Variants in CCNJ observed in about 807,000 individuals in gnomAD.
CCNJ encodes the protein cyclin J, also known as cyclin-J.
CCNJ carries 12 observed loss-of-function variants against 41.4 expected under a neutral mutation model. That is an observed-to-expected ratio of 0.29 (90% CI 0.19 to 0.47). The LOEUF is 0.47. Ranked by LOEUF, CCNJ falls within the 20% of genes least tolerant of loss-of-function variation. CCNJ has a pLI of 1.00. For synonymous variants in CCNJ, 161 were observed against 173.4 expected, an observed-to-expected ratio of 0.93 and a Z score of 0.56; for missense variants, 340 against 464.6, an observed-to-expected ratio of 0.73 and a Z score of 2.47.
At chr10:96,052,972 C>T (rs1237009516) in intron 3 of CCNJ, among the ~76,000 whole-genome samples, 1 of 152,188 alleles carries the variant, frequency 6.6e-6, no homozygotes, top group Admixed American at 6.5e-5. Context: ...TCTCTCTACC[C>T]TTGCCCCCCA....
chr10:96,050,082 T>C (rs1158425316), intron 2 of CCNJ, among the ~76,000 whole-genome samples, 174 bp from the exon 3 acceptor site: 3 of 152,198 alleles, frequency 2.0e-5, no homozygotes, highest in Admixed American at 1.3e-4. Flanking sequence ...AAATTTGGTT[T>C]TAAATGTCAT....
At chr10:96,057,347 G>A (rs1356551976) in intron 5 of CCNJ, 100 bp downstream of exon 5, 5 of 1,033,980 alleles carry the variant, frequency 4.8e-6, no homozygotes, top group Non-Finnish European at 7.2e-6. Context: ...GAGTTCCTAG[G>A]TTATTTGCTT....
chr10:96,043,983 C>T (rs2080286917), intron 1 of CCNJ, among the ~76,000 whole-genome samples: 2 of 152,200 alleles, frequency 1.3e-5, no homozygotes, highest in South Asian at 4.1e-4. Context: ...AGCGTGTCAC[C>T]TCTCCCCGCT....
In CCNJ at chr10:96,043,592, C is replaced by T. The variant is rs1590981339; in HGVS notation, c.-169C>T. On this transcript the variant is annotated 5_prime_UTR_variant, in exon 1 of 6. Transcript: ENST00000465148. ...CGCCTGCCGGTCCTTTAACAATGGG[C>T]GGCGCGAGCGTCCAGGCGCTGGGCT... 2.5e-6 allele frequency: 1 copy of T among 395,148 alleles called. No individual in the cohort carries two copies. 24.5% of individuals were successfully genotyped at this position (395,148 alleles called of 1,614,324 possible).
intron 5 of CCNJ, among the ~76,000 whole-genome samples, 156 bp downstream of exon 5, chr10:96,057,403 G>A (rs1202265285): frequency 6.6e-6 from 1 of 152,210 alleles, no homozygotes; most frequent in Non-Finnish European, 1.5e-5. Context: ...TGTATGAGCA[G>A]AACTCTAGGG....
rs535555519 is a variant in CCNJ at position 96,060,036 on chromosome 10, T to G, written c.*1795T>G. 12 of 152,796 alleles carry G rather than the reference T, an allele frequency of 7.9e-5. 1 individual carries two copies. In the South Asian group the frequency reaches 2.3e-3, roughly 29 times the overall value. The allele number at this position is 152,796 out of a possible 1,614,324, so 9.5% of individuals were successfully genotyped here. A position where few individuals can be genotyped will look rare whatever the true frequency, so the allele number is the denominator to read the frequency against. On this transcript the variant is annotated 3_prime_UTR_variant, in exon 6 of 6. Coordinates refer to ENST00000465148, the MANE Select transcript of CCNJ (RefSeq NM_001134375.2). Reference sequence around the variant, plus strand: ...CATGGCAGTTTTTAAGCATGAAAATTGTTTTCTGAAAGTATCATCACTTTT... The same window carrying G: ...CATGGCAGTTTTTAAGCATGAAAATGGTTTTCTGAAAGTATCATCACTTTT...
rs1325566965 is a variant in CCNJ, at chr10:96,043,650, C to T, written c.-111C>T. On this transcript the variant is annotated 5_prime_UTR_variant, in exon 1 of 6. Coordinates refer to ENST00000465148, the MANE Select transcript of CCNJ (RefSeq NM_001134375.2). ...AGGCCGGCGCTTAGCGGCCCACTGT[C>T]CGCAGCATGAGCGGGGCCGGCGTCC... 7.6e-6 allele frequency: 3 copies of T among 394,682 alleles called. No homozygotes were observed. Among genetic ancestry groups the T allele is most frequent in the Non-Finnish European group, 1.3e-5 (3 of 223,516 alleles). The allele number at this position is 394,682 out of a possible 1,614,324, so 24.4% of individuals were successfully genotyped here. A position where few individuals can be genotyped will look rare whatever the true frequency, so the allele number is the denominator to read the frequency against.
intron 2 of CCNJ, among the ~76,000 whole-genome samples, chr10:96,045,817 T>G (rs1355471421): frequency 6.6e-6 from 1 of 152,182 alleles, no homozygotes; most frequent in Admixed American, 6.5e-5. Flanking sequence ...GTGAAATTAA[T>G]TAGTTGATAT....
intron 3 of CCNJ, among the ~76,000 whole-genome samples, chr10:96,053,208 A>G (rs545148677): frequency 9.0e-4 from 137 of 152,268 alleles, no homozygotes; most frequent in Non-Finnish European, 1.6e-3. Flanking sequence ...TTGGAGAGCT[A>G]TGTGTAGTGT....
rs1456608108 is a variant in CCNJ at position 96,056,035 on chromosome 10, C to T, written c.281-666C>T. Among the ~76,000 whole-genome samples, 5 of 152,312 alleles carry T rather than the reference C, an allele frequency of 3.3e-5. No individual in the cohort carries two copies. In the East Asian group the frequency reaches 7.7e-4, roughly 23 times the overall value. On this transcript the variant is annotated intron_variant, in intron 3 of 5. Transcript: ENST00000465148. ...AAACTATCTTCTCCTCTTGGCCGGG[C>T]GCAGTGGCTCACGCCTGTAATCCCA...
In CCNJ at chr10:96,049,475, CTTTTTCTTT is replaced by C. The variant is rs1289262151; in HGVS notation, c.70-775_70-767del. Among the ~76,000 whole-genome samples, 1,004 of 112,598 alleles carry C rather than the reference CTTTTTCTTT, an allele frequency of 8.9e-3. 3 individuals carry two copies. The highest frequency in any genetic ancestry group is 0.033 in the African/African-American group (896 of 27,484). The allele number at this position is 112,598 out of a possible 152,430, so 73.9% of individuals were successfully genotyped here. On this transcript the variant is annotated intron_variant, in intron 2 of 5. Transcript: ENST00000465148. The stretch of plus-strand genomic sequence containing the variant: ...AAAGTCCCATTTCTCTTTTCTTTTT[CTTTTTCTTT>C]TTTTTTTTTTTTTTTGCAGGGTAGG...
At position 96,057,221 on chromosome 10, in the gene CCNJ, A is replaced by T; in HGVS notation, c.714A>T (p.Leu238Phe). 1 of 1,613,980 alleles carries T rather than the reference A, an allele frequency of 6.2e-7. No homozygotes were observed. Among genetic ancestry groups the T allele is most frequent in the Non-Finnish European group, 8.5e-7 (1 of 1,179,858 alleles). Residue 238 changes from leucine (L) to phenylalanine (F), a missense_variant, in exon 5 of 6, where the codon TTA (leucine) becomes TTT (phenylalanine). Leu to Phe is a conservative substitution (Grantham distance 22). Coordinates refer to ENST00000465148, the MANE Select transcript of CCNJ (RefSeq NM_001134375.2). ...HRLTAYSWDF[L>F]VQCIERLLIA... ...TTACTGCCTACTCTTGGGATTTCTT[A>T]GTGCAGTGTATTGAACGACTGTTGA...
chr10:96,054,553 C>T (rs1027215698), intron 3 of CCNJ, among the ~76,000 whole-genome samples: 1 of 152,140 alleles, frequency 6.6e-6, no homozygotes. Context: ...CACTTGTAGC[C>T]AAATATTTTA....
Position 96,060,667 on chromosome 10 carries a change from T to A in CCNJ, c.*2426T>A, listed in dbSNP as rs2080795795. 6.6e-6 allele frequency: 1 copy of A among 151,112 alleles called. No individual in the cohort carries two copies. Among genetic ancestry groups the A allele is most frequent in the Non-Finnish European group, 1.5e-5 (1 of 67,842 alleles). 9.4% of individuals were successfully genotyped at this position (151,112 alleles called of 1,614,324 possible). On this transcript the variant is annotated 3_prime_UTR_variant, in exon 6 of 6. Transcript: ENST00000465148. ...TTGAGAATACTGGACCATCATTAAA[T>A]GTGTACTGTGAAGAGATTAATATGT...
At position 96,058,154 on chromosome 10, in the gene CCNJ, A is replaced by T; in HGVS notation, c.1065A>T (p.Glu355Asp). The T allele has an allele frequency of 6.2e-7, 1 of 1,614,174 alleles. No homozygotes were observed. Among genetic ancestry groups the T allele is most frequent in the Non-Finnish European group, 8.5e-7 (1 of 1,179,964 alleles). Reference protein sequence around the residue: ...GVGMSLAIPVEVKPCLSVSYN... With the variant: ...GVGMSLAIPVDVKPCLSVSYN... ...GGATGTCACTGGCAATACCAGTAGA[A>T]GTTAAGCCCTGTCTGAGTGTTTCTT... The change falls in exon 6 of 6, where the codon GAA (glutamate) becomes GAT (aspartate). Residue 355 changes from glutamate to aspartate, a missense_variant. Around this residue, in one of 3 missense-constraint regions of CCNJ, gnomAD observed 159 missense variants for 168.2 expected, o/e 0.95. Transcript: ENST00000465148.
At chr10:96,046,575 T>C (rs887227957) in intron 2 of CCNJ, among the ~76,000 whole-genome samples, 4 of 152,224 alleles carry the variant, frequency 2.6e-5, no homozygotes, top group African/African-American at 9.7e-5. Context: ...CTTGCCTTCA[T>C]AGTCTAACCT....
chr10:96,058,208 T>C lies in CCNJ; in HGVS notation c.1119T>C (p.His373=), dbSNP rs1298299086. 1.2e-6 allele frequency: 2 copies of C among 1,613,970 alleles called. No homozygotes were observed. The highest frequency in any genetic ancestry group is 1.3e-5 in the African/African-American group (1 of 74,940). The stretch of plus-strand genomic sequence containing the variant: ...ACCGGAGTTATCAGATAAATGAACA[T>C]TACCCTTGTATTACTCCATGTTTTG... The part of the protein sequence containing the change: ...SYNRSYQINE[H]YPCITPCFER The change falls in exon 6 of 6, where the codon CAT becomes CAC. Residue 373 remains histidine, a synonymous_variant. Transcript: ENST00000465148.
chr10:96,053,323 A>T (rs1188212198), intron 3 of CCNJ, among the ~76,000 whole-genome samples: 1 of 152,218 alleles, frequency 6.6e-6, no homozygotes, highest in Non-Finnish European at 1.5e-5. Context: ...TAAGATGGAA[A>T]TAAAGATACC....
At position 96,056,975 on chromosome 10, in the gene CCNJ, T is replaced by C; in HGVS notation, c.555T>C (p.Asp185=). The change falls in exon 4 of 6, where the codon GAT becomes GAC. Residue 185 remains aspartate (D), a synonymous_variant. Coordinates refer to ENST00000465148, the MANE Select transcript of CCNJ (RefSeq NM_001134375.2). ...AACTCTACATGGCCAAATATGCAGA[T>C]TACTTCCTGGAAGTATCTTTGCAAG... ...KTKLYMAKYA[D]YFLEVSLQDY... 6.2e-7 allele frequency: 1 copy of C among 1,613,962 alleles called. No homozygotes were observed. Among genetic ancestry groups the C allele is most frequent in the Non-Finnish European group, 8.5e-7 (1 of 1,179,918 alleles).
Sources: allele counts gnomAD v4.1 joint callset (sites outside exome capture counted in the v4.1 genomes callset), GRCh38; gene constraint gnomAD v4.1.1; regional missense constraint gnomAD v4.1.1; transcripts MANE v1.5; gene names NCBI Gene and HGNC (gene_info 2026-07-23, HGNC 2026-07-21).